SCAMP1: variants seen among roughly 807,000 people sequenced by gnomAD.
SCAMP1 encodes secretory carrier membrane protein 1, also known as secretory carrier-associated membrane protein 1.
In SCAMP1, 15 loss-of-function variants were observed where a neutral mutation model predicts 41.8. The ratio of observed to expected loss-of-function variants is 0.36; its 90% CI spans 0.24 to 0.55. The LOEUF (loss-of-function observed/expected upper bound fraction) is 0.55. Ranked by LOEUF, SCAMP1 falls within the 20% of genes least tolerant of loss-of-function variation. The pLI, the probability that SCAMP1 is intolerant of heterozygous loss-of-function variation, is 0.86. For missense variants in SCAMP1, 341 were observed against 412.6 expected, an observed-to-expected ratio of 0.83 and a Z score of 1.50; for synonymous variants, 135 against 136.8, an observed-to-expected ratio of 0.99 and a Z score of 0.09.
At chr5:78,436,647 C>T (rs1002299487) in intron 6 of SCAMP1, among the ~76,000 whole-genome samples, 14 of 152,160 alleles carry the variant, frequency 9.2e-5, no homozygotes, top group Non-Finnish European at 1.9e-4. Flanking sequence ...AGTTTGAACT[C>T]AGGTAGTGTG....
intron 5 of SCAMP1, 126 bp from the exon 6 acceptor site, chr5:78,421,675 A>T (rs990524551): frequency 1.3e-6 from 1 of 798,996 alleles, no homozygotes; most frequent in Non-Finnish European, 2.0e-6. Flanking sequence ...GAAAAATATA[A>T]ATGGAAACAT....
intron 1 of SCAMP1, among the ~76,000 whole-genome samples, chr5:78,382,309 T>G (rs1414621289): frequency 2.0e-5 from 3 of 152,234 alleles, no homozygotes; most frequent in African/African-American, 7.2e-5. Context: ...TGCTGAGATG[T>G]TCATTATAAA....
chr5:78,367,721 GGTAGTC>G (rs1750834274), intron 1 of SCAMP1, among the ~76,000 whole-genome samples: 1 of 152,184 alleles, frequency 6.6e-6, no homozygotes, highest in Admixed American at 6.5e-5. Context: ...AAAATGGCGA[GGTAGTC>G]GTAGGATAAC....
At chr5:78,471,077 G>C (rs1044747163) in intron 8 of SCAMP1, among the ~76,000 whole-genome samples, 9 of 152,104 alleles carry the variant, frequency 5.9e-5, no homozygotes, top group African/African-American at 2.2e-4. Flanking sequence ...GTCTTTTAGG[G>C]GGTGTAACAA....
chr5:78,434,040 T>C (rs1340604995), intron 6 of SCAMP1, among the ~76,000 whole-genome samples: 1 of 152,178 alleles, frequency 6.6e-6, no homozygotes, highest in Admixed American at 6.5e-5. Context: ...AGCTTTTGTT[T>C]GGAAGAGTTA....
intron 7 of SCAMP1, among the ~76,000 whole-genome samples, chr5:78,456,944 A>G (rs1323732450): frequency 7.5e-6 from 1 of 133,220 alleles, no homozygotes; most frequent in Admixed American, 7.3e-5. Context: ...TTCATCTTCC[A>G]TTGCTGATAC....
intron 2 of SCAMP1, among the ~76,000 whole-genome samples, chr5:78,390,025 A>C (rs908535274): frequency 2.0e-5 from 3 of 152,226 alleles, no homozygotes; most frequent in Admixed American, 2.0e-4. Context: ...AAAGTTAGTC[A>C]GTATGGGCGG....
intron 6 of SCAMP1, among the ~76,000 whole-genome samples, chr5:78,429,617 G>A (rs1752552950): frequency 6.6e-6 from 1 of 152,028 alleles, no homozygotes; most frequent in African/African-American, 2.4e-5. Context: ...TTCCAAGAGA[G>A]TTGCAGGGAA....
intron 6 of SCAMP1, among the ~76,000 whole-genome samples, chr5:78,425,953 C>A (rs1231495358): frequency 6.6e-6 from 1 of 151,538 alleles, no homozygotes; most frequent in Non-Finnish European, 1.5e-5. Flanking sequence ...CCTTGCCCCC[C>A]ACCCCTGACA....
intron 8 of SCAMP1, among the ~76,000 whole-genome samples, chr5:78,469,890 TAAAAA>T (rs141989832): frequency 3.3e-4 from 5 of 15,024 alleles, no homozygotes; most frequent in Admixed American, 1.1e-3. Flanking sequence ...TACAAGACAT[TAAAAA>T]AAAAAAAAAA....
chr5:78,414,724 T>C (rs2112134902), intron 2 of SCAMP1, among the ~76,000 whole-genome samples: 1 of 152,326 alleles, frequency 6.6e-6, no homozygotes, highest in East Asian at 1.9e-4. Flanking sequence ...TCTTGCAGCT[T>C]TCAGACACTA....
At chr5:78,465,972 A>G (rs1753736273) in intron 8 of SCAMP1, among the ~76,000 whole-genome samples, 1 of 152,230 alleles carries the variant, frequency 6.6e-6, no homozygotes, top group Non-Finnish European at 1.5e-5. Context: ...CATCTACAAG[A>G]TACCTTCACA....
intron 7 of SCAMP1, among the ~76,000 whole-genome samples, chr5:78,458,510 A>C (rs970561274): frequency 6.6e-6 from 1 of 152,122 alleles, no homozygotes; most frequent in African/African-American, 2.4e-5. Flanking sequence ...TGTATATTCT[A>C]GATGTGAATC....
At chr5:78,438,563 A>C (rs1165474122) in intron 6 of SCAMP1, among the ~76,000 whole-genome samples, 2 of 152,164 alleles carry the variant, frequency 1.3e-5, no homozygotes, top group Non-Finnish European at 2.9e-5. Flanking sequence ...GTTTGATTGC[A>C]TTGTGGTCTG....
chr5:78,370,787 T>A (rs1028744080), intron 1 of SCAMP1: 2 of 152,210 alleles, frequency 1.3e-5, no homozygotes, highest in African/African-American at 4.8e-5. Flanking sequence ...CATTTTATAT[T>A]CCTGCTAGCA....
chr5:78,438,952 T>A (rs1752843367), intron 6 of SCAMP1, among the ~76,000 whole-genome samples: 1 of 152,184 alleles, frequency 6.6e-6, no homozygotes, highest in Non-Finnish European at 1.5e-5. Flanking sequence ...TGAATTGATC[T>A]GTTTACCATT....
rs180748921 is a variant in SCAMP1, at chr5:78,461,218, G to A, written c.852+1856G>A. Among the ~76,000 whole-genome samples, 166 of 152,214 alleles carry A rather than the reference G, an allele frequency of 1.1e-3. 1 individual carries two copies. The highest frequency in any genetic ancestry group is 3.9e-3 in the African/African-American group (161 of 41,512). Reference sequence around the variant, plus strand: ...GTCAATTTTTGTTTGTGTTCCATTTGCTATTGAGGTCTTAGTAGTAAATTC... The same window carrying A: ...GTCAATTTTTGTTTGTGTTCCATTTACTATTGAGGTCTTAGTAGTAAATTC... On this transcript the variant is annotated intron_variant, in intron 8 of 8. Transcript: ENST00000621999.
At chr5:78,450,284 C>T (rs541401691) in intron 7 of SCAMP1, among the ~76,000 whole-genome samples, 33 of 151,990 alleles carry the variant, frequency 2.2e-4, no homozygotes, top group African/African-American at 7.5e-4. Flanking sequence ...TATGTAAGGG[C>T]GCTAAGAGGA....
chr5:78,425,656 A>G (rs1752451241), intron 6 of SCAMP1, among the ~76,000 whole-genome samples: 1 of 152,126 alleles, frequency 6.6e-6, no homozygotes, highest in African/African-American at 2.4e-5. Context: ...TTATGTGGGC[A>G]TTTACCTTTA....
Sources: allele counts gnomAD v4.1 joint callset (sites outside exome capture counted in the v4.1 genomes callset), GRCh38; gene constraint gnomAD v4.1.1; transcripts MANE v1.5; gene names NCBI Gene and HGNC (gene_info 2026-07-23, HGNC 2026-07-21).